Variants in TSPAN8 observed in about 807,000 individuals in gnomAD.
The protein encoded by TSPAN8 is tetraspanin-8.
A neutral mutation model predicts 32.8 loss-of-function variants in TSPAN8; 21 were observed. That is an observed-to-expected ratio of 0.64 (90% confidence interval 0.45 to 0.92). The LOEUF (loss-of-function observed/expected upper bound fraction) is 0.92. TSPAN8 is among the 40% of genes least tolerant of loss of function. The probability of loss-of-function intolerance (pLI) is 0.00; values close to 1 mark genes in which losing one functional copy is unlikely to be tolerated. For synonymous variants in TSPAN8, 95 were observed against 94.6 expected (o/e 1.00, Z -0.03); for missense variants, 269 against 281.9 (o/e 0.95, Z 0.33).
intron 2 of TSPAN8, among the ~76,000 whole-genome samples, chr12:71,150,500 G>A (rs781284185): frequency 3.5e-5 from 5 of 142,914 alleles, no homozygotes; most frequent in East Asian, 2.1e-4. Context: ...TGGGCATCAC[G>A]GTCCTACTGA....
intron 3 of TSPAN8, 115 bp from the exon 4 acceptor site, chr12:71,139,963 G>A: frequency 1.4e-6 from 1 of 709,984 alleles, no homozygotes. Flanking sequence ...CCAGGACCCT[G>A]AAATACATCA....
chr12:71,133,803 G>A (rs1871595907), intron 6 of TSPAN8, among the ~76,000 whole-genome samples: 1 of 152,096 alleles, frequency 6.6e-6, no homozygotes, highest in South Asian at 2.1e-4. Context: ...CAGGGCATGT[G>A]GCACATGATA....
At chr12:71,153,419 AC>A (rs1455375956) in intron 2 of TSPAN8, among the ~76,000 whole-genome samples, 2 of 152,216 alleles carry the variant, frequency 1.3e-5, no homozygotes, top group African/African-American at 4.8e-5. Context: ...ATCACCATAT[AC>A]TTATGGGGCA....
At chr12:71,141,758 C>T (rs1008881535) in intron 3 of TSPAN8, among the ~76,000 whole-genome samples, 1 of 152,154 alleles carries the variant, frequency 6.6e-6, no homozygotes, top group Non-Finnish European at 1.5e-5. Context: ...CAGATGTTTG[C>T]ACCAGGGGAG....
chr12:71,135,817 G>A (rs1340772986), intron 6 of TSPAN8, among the ~76,000 whole-genome samples: 5 of 152,096 alleles, frequency 3.3e-5, no homozygotes, highest in African/African-American at 1.2e-4. Flanking sequence ...CCCTGGGAAG[G>A]GTCTGGGATG....
chr12:71,154,066 T>C (rs967049375), intron 2 of TSPAN8, among the ~76,000 whole-genome samples: 29 of 152,000 alleles, frequency 1.9e-4, no homozygotes, highest in African/African-American at 6.8e-4. Context: ...CCCAGCACTT[T>C]AGGAGGCAGA....
rs146656002 is a variant in TSPAN8, at chr12:71,139,711, C to A, written c.261G>T (p.Leu87Phe). Reference protein sequence around the residue: ...AIKESRCMLLLFFIGLLLILL... With the variant: ...AIKESRCMLLFFFIGLLLILL... ...ACTGGGATTTGTTTGGAGAACTCAC[C>A]AACAGAAGCATGCAGCGACTTTCTT... The change falls in exon 4 of 9, where the codon TTG becomes TTT. Residue 87 changes from leucine to phenylalanine, a missense_variant and splice_region_variant. Coordinates refer to ENST00000247829, the MANE Select transcript of TSPAN8 (RefSeq NM_004616.3). The A allele has an allele frequency of 6.2e-6, 10 of 1,612,976 alleles. No homozygotes were observed. Among genetic ancestry groups the A allele is most frequent in the African/African-American group, 1.3e-5 (1 of 74,872 alleles).
chr12:71,142,848 A>AAAAC (rs1555195664), intron 3 of TSPAN8, among the ~76,000 whole-genome samples: 1 of 23,334 alleles, frequency 4.3e-5, no homozygotes, highest in East Asian at 1.8e-3. Flanking sequence ...GGAAAAAAAC[A>AAAAC]AAAAAAAAAA....
Position 71,144,178 on chromosome 12 carries a change from C to A in TSPAN8, c.96G>T (p.Trp32Cys). 3.1e-6 allele frequency: 5 copies of A among 1,611,234 alleles called. No individual in the cohort carries two copies. Among genetic ancestry groups the A allele is most frequent in the Non-Finnish European group, 4.2e-6 (5 of 1,178,906 alleles). Residue 32 changes from tryptophan (W) to cysteine (C), a missense_variant, in exon 3 of 9, where the codon TGG becomes TGT. By Grantham distance (215) the Trp-to-Cys change is radical. Coordinates refer to ENST00000247829, the MANE Select transcript of TSPAN8 (RefSeq NM_004616.3). ...CGILILALAI[W>C]VRVSNDSQAI... ...CTTGAGAGTCATTGCTTACTCGTAC[C>A]CATATTGCTAATGCTAGGATCAAGA... is the stretch of plus-strand genomic sequence containing the variant.
chr12:71,141,622 T>C (rs1302756869), intron 3 of TSPAN8, among the ~76,000 whole-genome samples: 1 of 152,214 alleles, frequency 6.6e-6, no homozygotes, highest in Non-Finnish European at 1.5e-5. Flanking sequence ...GAGGCTAACC[T>C]GGGCAGGGTG....
In TSPAN8 at chr12:71,138,141, C is replaced by T. The variant is rs1336900143; in HGVS notation, c.336+15G>A. ...TTCAAACTTCTTCAAAATTTTCAAA[C>T]ATCTGTGCACACACCTTAGATTTGA... On this transcript the variant is annotated intron_variant, in intron 5 of 8. Coordinates refer to ENST00000247829, the MANE Select transcript of TSPAN8 (RefSeq NM_004616.3). 1.2e-6 allele frequency: 2 copies of T among 1,612,220 alleles called. No homozygotes were observed. The highest frequency in any genetic ancestry group is 1.1e-5 in the South Asian group (1 of 90,866).
At chr12:71,131,644 T>A (rs1871522087) in intron 7 of TSPAN8, among the ~76,000 whole-genome samples, 2 of 131,156 alleles carry the variant, frequency 1.5e-5, no homozygotes, top group Non-Finnish European at 1.7e-5. Context: ...CAGAAGCATG[T>A]CTGATCCTAG....
rs1196186573 is a variant in TSPAN8, at chr12:71,157,895, CA to C, written c.-110+34del. ...TTAAATATCGCAAAGGCTATTAACC[CA>C]CACATTTAAATATCTCAAAGGCTAT... On this transcript the variant is annotated intron_variant, in intron 1 of 8. Coordinates refer to ENST00000247829, the MANE Select transcript of TSPAN8 (RefSeq NM_004616.3). The C allele has an allele frequency of 4.0e-5, 21 of 531,520 alleles. No individual in the cohort carries two copies. The East Asian group carries it at 5.7e-4, about 15-fold the overall frequency. The allele number at this position is 531,520 out of a possible 1,614,324, so 32.9% of individuals were successfully genotyped here. A position where few individuals can be genotyped will look rare whatever the true frequency, so the allele number is the denominator to read the frequency against.
chr12:71,138,966 T>C (rs183853905), intron 4 of TSPAN8, among the ~76,000 whole-genome samples: 146 of 152,286 alleles, frequency 9.6e-4, no homozygotes, highest in Admixed American at 2.5e-3. Context: ...AAACACTTGA[T>C]TTTTTTCTAA....
intron 4 of TSPAN8, 82 bp from the exon 5 acceptor site, chr12:71,138,312 T>G: frequency 1.6e-6 from 2 of 1,262,064 alleles, no homozygotes; most frequent in Non-Finnish European, 2.3e-6. Context: ...CACTTCTCTC[T>G]ACAGCTGGGA....
Position 71,132,754 on chromosome 12 carries a change from C to T in TSPAN8, c.515G>A (p.Cys172Tyr). 1 of 1,613,930 alleles carries T rather than the reference C, an allele frequency of 6.2e-7. No individual in the cohort carries two copies. Among genetic ancestry groups the T allele is most frequent in the Non-Finnish European group, 8.5e-7 (1 of 1,179,970 alleles). ...TGGTCTCTGCTTATCTAGACAGGCA[C>T]ATAATTCAGGATAGTGTTGAAAATT... ...GNNFQHYPELCACLDKQRPCQ... is the reference protein window; with the variant it reads ...GNNFQHYPELYACLDKQRPCQ... The change falls in exon 7 of 9, where the codon TGT becomes TAT. Residue 172 changes from cysteine to tyrosine, a missense_variant. Physicochemically the swap from Cys to Tyr is radical, Grantham distance 194 (BLOSUM62 -2). Transcript: ENST00000247829.
intron 3 of TSPAN8, 85 bp from the exon 4 acceptor site, chr12:71,139,933 C>A: frequency 7.8e-7 from 1 of 1,289,430 alleles, no homozygotes; most frequent in Non-Finnish European, 1.0e-6. Flanking sequence ...TTGAGTGCCT[C>A]CTATGTGTCA....
intron 6 of TSPAN8, among the ~76,000 whole-genome samples, chr12:71,137,642 C>A (rs1871747364): frequency 6.6e-6 from 1 of 152,054 alleles, no homozygotes; most frequent in Non-Finnish European, 1.5e-5. Context: ...AGAGGAGATT[C>A]CCAGACACAC....
chr12:71,132,593 T>A, intron 7 of TSPAN8, 100 bp downstream of exon 7: 1 of 1,334,268 alleles, frequency 7.5e-7, no homozygotes, highest in East Asian at 2.4e-5. Context: ...ATATCATGAT[T>A]CCCATGGTAC....
Sources: gnomAD v4.1 joint callset for allele counts (sites outside exome capture counted in the v4.1 genomes callset) on GRCh38, gnomAD v4.1.1 for gene constraint, MANE v1.5 for transcripts, NCBI Gene and HGNC (gene_info 2026-07-23, HGNC 2026-07-21) for gene names.